The following ZFAND3 variants were observed in gnomAD, a reference collection of about 807,000 sequenced individuals.
ZFAND3 encodes zinc finger AN1-type containing 3, also known as AN1-type zinc finger protein 3.
In ZFAND3, 10 loss-of-function variants were observed where a neutral mutation model predicts 29.6. That is an observed-to-expected ratio of 0.34 (90% CI 0.21 to 0.57). The LOEUF is 0.57. ZFAND3 is among the 20% of genes least tolerant of loss of function. The probability of loss-of-function intolerance (pLI) is 0.86; values close to 1 mark genes in which losing one functional copy is unlikely to be tolerated. For missense variants in ZFAND3, 230 were observed against 304.5 expected, an observed-to-expected ratio of 0.76 and a Z score of 1.82; for synonymous variants, 128 against 112.6, an observed-to-expected ratio of 1.14 and a Z score of -0.87.
At chr6:37,962,036 T>C (rs1039388347) in intron 2 of ZFAND3, among the ~76,000 whole-genome samples, 1 of 152,172 alleles carries the variant, frequency 6.6e-6, no homozygotes, top group Non-Finnish European at 1.5e-5. Context: ...GGACAAATCC[T>C]GAAGAAATAG....
intron 5 of ZFAND3, among the ~76,000 whole-genome samples, chr6:38,144,218 A>ATATATATATATATATATATAATAT (rs1554183997): frequency 6.7e-4 from 21 of 31,446 alleles, no homozygotes; most frequent in African/African-American, 3.9e-3. Context: ...TATAATATAT[A>ATATATATATATATATATATAATAT]ATATATATAT....
At chr6:38,067,948 T>G (rs993354992) in intron 3 of ZFAND3, among the ~76,000 whole-genome samples, 2 of 152,084 alleles carry the variant, frequency 1.3e-5, no homozygotes, top group Non-Finnish European at 2.9e-5. Flanking sequence ...GTTTGGGGGG[T>G]CATGGCTGGT....
intron 5 of ZFAND3, among the ~76,000 whole-genome samples, chr6:38,151,869 C>T (rs536895340): frequency 6.6e-6 from 1 of 152,154 alleles, no homozygotes; most frequent in African/African-American, 2.4e-5. Context: ...TCACAGTTTG[C>T]CCGAGCCAAG....
intron 2 of ZFAND3, among the ~76,000 whole-genome samples, chr6:38,035,192 C>T (rs542389282): frequency 1.3e-5 from 2 of 151,790 alleles, no homozygotes; most frequent in African/African-American, 4.8e-5. Context: ...GTGTGTAACT[C>T]GAGAGCAGTA....
At chr6:38,116,892 A>G (rs901663948) in intron 5 of ZFAND3, among the ~76,000 whole-genome samples, 153 bp downstream of exon 5, 2 of 152,186 alleles carry the variant, frequency 1.3e-5, no homozygotes, top group African/African-American at 4.8e-5. Context: ...GGCTTGAGAA[A>G]TCAGGAGCAT....
At chr6:37,828,887 T>A (rs1763808088) in intron 1 of ZFAND3, among the ~76,000 whole-genome samples, 1 of 152,134 alleles carries the variant, frequency 6.6e-6, no homozygotes, top group Non-Finnish European at 1.5e-5. Flanking sequence ...CCTTACCTCG[T>A]GATCCGCCCG....
intron 4 of ZFAND3, among the ~76,000 whole-genome samples, chr6:38,086,348 T>TCCACC (rs1764756832): frequency 6.6e-6 from 1 of 152,062 alleles, no homozygotes; most frequent in South Asian, 2.1e-4. Context: ...TCGTTCCCAC[T>TCCACC]CCACCCCACC....
chr6:37,838,661 T>G (rs1018067774), intron 1 of ZFAND3, among the ~76,000 whole-genome samples: 2 of 152,232 alleles, frequency 1.3e-5, no homozygotes, highest in African/African-American at 4.8e-5. Flanking sequence ...CTTCATGTCT[T>G]TTTGTGGCTG....
Position 38,154,375 on chromosome 6 carries a change from GGGGGGGT to G in ZFAND3, c.*1998_*2004del. On this transcript the variant is annotated 3_prime_UTR_variant, in exon 6 of 6. Transcript: ENST00000287218. ...ATGTTCGCTTCCTGACTTAGAGCTG[GGGGGGGT>G]GGGGGGTGGGGCTTGTTCCCCTGCA... The G allele has an allele frequency of 2.9e-5, 24 of 832,310 alleles. No homozygotes were observed. The highest frequency in any genetic ancestry group is 5.5e-5 in the South Asian group (1 of 18,326). 51.6% of individuals were successfully genotyped at this position (832,310 alleles called of 1,614,324 possible).
intron 1 of ZFAND3, 61 bp from the exon 2 acceptor site, chr6:37,929,898 T>G: frequency 6.7e-7 from 1 of 1,484,168 alleles, no homozygotes; most frequent in East Asian, 2.3e-5. Context: ...TCTTATGTTT[T>G]GATTAGAGTG....
intron 5 of ZFAND3, among the ~76,000 whole-genome samples, chr6:38,134,744 T>G (rs1338328615): frequency 6.6e-6 from 1 of 152,208 alleles, no homozygotes; most frequent in Admixed American, 6.5e-5. Context: ...CAGCCCTTAC[T>G]CCTCAGCTGC....
intron 4 of ZFAND3, among the ~76,000 whole-genome samples, chr6:38,097,248 C>CTTTTT (rs1491155525): frequency 1.6e-5 from 2 of 124,050 alleles, no homozygotes; most frequent in Admixed American, 8.0e-5. Context: ...GTTAATTTTT[C>CTTTTT]ATTTTTTTTT....
chr6:37,848,721 T>C (rs1160266417), intron 1 of ZFAND3, among the ~76,000 whole-genome samples: 1 of 152,220 alleles, frequency 6.6e-6, no homozygotes, highest in Non-Finnish European at 1.5e-5. Flanking sequence ...GAGTTTATTG[T>C]TGAAGTTATG....
chr6:37,865,470 A>T (rs1561915543), intron 1 of ZFAND3, among the ~76,000 whole-genome samples: 1 of 152,206 alleles, frequency 6.6e-6, no homozygotes, highest in Non-Finnish European at 1.5e-5. Context: ...GCACACACAG[A>T]TACACACGCA....
chr6:38,006,432 A>C (rs1477611597), intron 2 of ZFAND3, among the ~76,000 whole-genome samples: 2 of 152,184 alleles, frequency 1.3e-5, no homozygotes, highest in Non-Finnish European at 2.9e-5. Context: ...TTTTAAATTA[A>C]ATATAAATTT....
At chr6:37,939,435 C>T (rs904308085) in intron 2 of ZFAND3, among the ~76,000 whole-genome samples, 5 of 152,162 alleles carry the variant, frequency 3.3e-5, no homozygotes, top group East Asian at 1.9e-4. Context: ...AGTCTTATCC[C>T]GGATTATCTC....
At chr6:38,053,836 TAAG>T (rs1764080269) in intron 2 of ZFAND3, among the ~76,000 whole-genome samples, 1 of 152,088 alleles carries the variant, frequency 6.6e-6, no homozygotes, top group South Asian at 2.1e-4. Flanking sequence ...GATACAAAAT[TAAG>T]AAGGGAGAAT....
At chr6:37,920,536 A>T (rs1761358593) in intron 1 of ZFAND3, among the ~76,000 whole-genome samples, 1 of 152,180 alleles carries the variant, frequency 6.6e-6, no homozygotes, top group South Asian at 2.1e-4. Flanking sequence ...ACACACAAAA[A>T]TCGAGGCATT....
At position 37,983,430 on chromosome 6, in the gene ZFAND3, C is replaced by G. The variant is rs188266276; in HGVS notation, c.112+53431C>G. ...GGAGTGCAATGGTGTGACCTCAGCT[C>G]ACTGCAACCACTGCCTCCCGGGTTC... On this transcript the variant is annotated intron_variant, in intron 2 of 5. Transcript: ENST00000287218. Among the ~76,000 whole-genome samples, 30 of 136,744 alleles carry G rather than the reference C, an allele frequency of 2.2e-4. No individual in the cohort carries two copies. The Admixed American group carries it at 2.3e-3, about 11-fold the overall frequency. 89.7% of individuals were successfully genotyped at this position (136,744 alleles called of 152,430 possible). A position where few individuals can be genotyped will look rare whatever the true frequency, so the allele number is the denominator to read the frequency against.
Sources: allele counts gnomAD v4.1 joint callset (sites outside exome capture counted in the v4.1 genomes callset), GRCh38; gene constraint gnomAD v4.1.1; transcripts MANE v1.5; gene names NCBI Gene and HGNC (gene_info 2026-07-23, HGNC 2026-07-21).